The following CDKL5 variants were observed in gnomAD, a reference collection of about 807,000 sequenced individuals.
The protein encoded by CDKL5 is cyclin dependent kinase like 5.
In CDKL5, 8 loss-of-function variants were observed where a neutral mutation model predicts 61.7. The observed-to-expected ratio is 0.13, with a 90% confidence interval of 0.08 to 0.23. The LOEUF (loss-of-function observed/expected upper bound fraction) is 0.23, where lower values mean the gene tolerates loss of function less well. Among genes scored for constraint, CDKL5 ranks in the 10% least tolerant of loss-of-function variants. The probability of loss-of-function intolerance (pLI) is 1.00; values close to 1 mark genes in which losing one functional copy is unlikely to be tolerated. For missense variants in CDKL5, 440 were observed against 734.5 expected, an observed-to-expected ratio of 0.60 and a Z score of 4.63; for synonymous variants, 275 against 272.3, an observed-to-expected ratio of 1.01 and a Z score of -0.10.
At chrX:18,542,904 A>G (rs1362112846) in intron 3 of CDKL5, among the ~76,000 whole-genome samples, 1 of 110,872 alleles carries the variant, frequency 9.0e-6, no homozygotes, top group Non-Finnish European at 1.9e-5. Flanking sequence ...ACACCTCCCC[A>G]GTGAAATCGG....
intron 3 of CDKL5, among the ~76,000 whole-genome samples, chrX:18,513,062 T>A (rs940992722): frequency 5.4e-5 from 6 of 111,802 alleles, no homozygotes; most frequent in Non-Finnish European, 1.1e-4. Context: ...TACGTATACA[T>A]ATATCTGATA....
At chrX:18,583,712 G>A (rs1396393531) in intron 7 of CDKL5, among the ~76,000 whole-genome samples, 1 of 111,171 alleles carries the variant, frequency 9.0e-6, no homozygotes, top group Non-Finnish European at 1.9e-5. Context: ...GTCTGTAATT[G>A]GTAACTAAGA....
At chrX:18,608,497 C>T (rs1405891197) in intron 12 of CDKL5, among the ~76,000 whole-genome samples, 4 of 111,057 alleles carry the variant, frequency 3.6e-5, no homozygotes, top group Non-Finnish European at 5.7e-5. Context: ...ATCAGAGGGC[C>T]GCTCAGAACC....
intron 1 of CDKL5, among the ~76,000 whole-genome samples, chrX:18,483,059 A>G: frequency 8.9e-6 from 1 of 111,984 alleles, no homozygotes; most frequent in East Asian, 2.8e-4. Flanking sequence ...ATCCATTTAA[A>G]TGTAGGCTCT....
intron 3 of CDKL5, among the ~76,000 whole-genome samples, chrX:18,546,510 G>T (rs985216359): frequency 9.9e-5 from 11 of 111,481 alleles, no homozygotes; most frequent in African/African-American, 3.3e-4. Context: ...TGATCCACCT[G>T]CCTCAGCCTC....
chrX:18,500,688 T>G (rs1442585177), intron 1 of CDKL5, among the ~76,000 whole-genome samples: 1 of 111,529 alleles, frequency 9.0e-6, no homozygotes, highest in South Asian at 3.8e-4. Flanking sequence ...ACGTTTTAGT[T>G]TTTATGCCTT....
At position 18,431,007 on chromosome X, in the gene CDKL5, G is replaced by A. The variant is rs1379395295; in HGVS notation, c.-163+5312G>A. 2.8e-5 allele frequency among the ~76,000 whole-genome samples: 3 copies of A among 109,090 alleles called. No homozygotes were observed. In the East Asian group the frequency reaches 8.6e-4, roughly 31 times the overall value. 94.7% of individuals were successfully genotyped at this position (109,090 alleles called of 115,157 possible). ...CTCCTGAGTAGCTGGAATTACAGGCGCCTGCCACCACGCCTGGCTAATTTT... is the reference window on the plus strand; with the variant it reads ...CTCCTGAGTAGCTGGAATTACAGGCACCTGCCACCACGCCTGGCTAATTTT... On this transcript the variant is annotated intron_variant, in intron 1 of 17. Transcript: ENST00000623535.
chrX:18,435,993 C>G (rs1267866590), intron 1 of CDKL5, among the ~76,000 whole-genome samples: 3 of 111,095 alleles, frequency 2.7e-5, no homozygotes, highest in Non-Finnish European at 5.7e-5. Context: ...TTTGACCCCC[C>G]CAAAAACTTA....
At chrX:18,617,985 C>T (rs1175954988) in intron 15 of CDKL5, among the ~76,000 whole-genome samples, 1 of 111,909 alleles carries the variant, frequency 8.9e-6, no homozygotes, top group Non-Finnish European at 1.9e-5. Context: ...CCCTCCCCTT[C>T]TCACTTTCAT....
At chrX:18,594,007 A>C (rs1425979342) in intron 9 of CDKL5, among the ~76,000 whole-genome samples, 1 of 112,618 alleles carries the variant, frequency 8.9e-6, no homozygotes, top group Non-Finnish European at 1.9e-5. Flanking sequence ...ACCAGACAGC[A>C]GATTCCTCAA....
At chrX:18,538,414 A>G (rs1923913939) in intron 3 of CDKL5, among the ~76,000 whole-genome samples, 1 of 111,522 alleles carries the variant, frequency 9.0e-6, no homozygotes, top group African/African-American at 3.3e-5. Context: ...TCTTTCATGG[A>G]CCAAAAATTT....
intron 5 of CDKL5, among the ~76,000 whole-genome samples, chrX:18,576,839 A>G (rs1470578893): frequency 9.2e-6 from 1 of 108,969 alleles, no homozygotes; most frequent in Non-Finnish European, 1.9e-5. Context: ...CTATTAAAAA[A>G]AAAGGATTGC....
intron 1 of CDKL5, among the ~76,000 whole-genome samples, chrX:18,428,050 A>G (rs1022002269): frequency 2.1e-4 from 24 of 111,832 alleles, no homozygotes; most frequent in African/African-American, 7.8e-4. Flanking sequence ...TTCGGTTGCA[A>G]ATATGCTGCT....
intron 3 of CDKL5, among the ~76,000 whole-genome samples, chrX:18,561,838 G>C (rs941760536): frequency 1.1e-4 from 12 of 111,618 alleles, no homozygotes; most frequent in African/African-American, 2.9e-4. Context: ...TTTAAGGAAA[G>C]AAATAATTAA....
At chrX:18,502,829 ACTTTT>A (rs1326695170) in intron 1 of CDKL5, among the ~76,000 whole-genome samples, 2 of 111,777 alleles carry the variant, frequency 1.8e-5, no homozygotes, top group African/African-American at 6.5e-5. Context: ...TGCTCTTGTA[ACTTTT>A]CTTATCTTTC....
intron 1 of CDKL5, among the ~76,000 whole-genome samples, chrX:18,475,661 C>G (rs1051156712): frequency 4.5e-5 from 5 of 112,237 alleles, no homozygotes; most frequent in African/African-American, 6.5e-5. Flanking sequence ...CATCTCTACT[C>G]TTTTTCCTGT....
intron 1 of CDKL5, among the ~76,000 whole-genome samples, chrX:18,452,434 T>A (rs969302087): frequency 9.0e-6 from 1 of 111,165 alleles, no homozygotes; most frequent in African/African-American, 3.3e-5. Flanking sequence ...TATTTTTTTT[T>A]ATTTTTTTTG....
intron 5 of CDKL5, among the ~76,000 whole-genome samples, chrX:18,576,887 T>C (rs1467858366): frequency 9.2e-6 from 1 of 109,155 alleles, no homozygotes; most frequent in Non-Finnish European, 1.9e-5. Flanking sequence ...TGCTCTTTAT[T>C]TTTTAAAAAC....
intron 1 of CDKL5, among the ~76,000 whole-genome samples, chrX:18,477,345 A>T (rs1426299541): frequency 9.1e-6 from 1 of 110,426 alleles, no homozygotes; most frequent in African/African-American, 3.3e-5. Context: ...GGGATTACAG[A>T]CATGAGCCAC....
Sources: gnomAD v4.1 joint callset for allele counts (sites outside exome capture counted in the v4.1 genomes callset) on GRCh38, gnomAD v4.1.1 for gene constraint, MANE v1.5 for transcripts, NCBI Gene and HGNC (gene_info 2026-07-23, HGNC 2026-07-21) for gene names.